The following ADAMTSL1 variants were observed in gnomAD, a reference collection of about 807,000 sequenced individuals.
The protein encoded by ADAMTSL1 is ADAMTS-like protein 1.
A neutral mutation model predicts 201.8 loss-of-function variants in ADAMTSL1; 126 were observed. That is an observed-to-expected ratio of 0.62 (90% confidence interval 0.54 to 0.72). The LOEUF (loss-of-function observed/expected upper bound fraction) is 0.72. Among genes scored for constraint, ADAMTSL1 ranks in the 30% least tolerant of loss-of-function variants. The pLI is 0.00. For synonymous variants in ADAMTSL1, 1,121 were observed against 903.4 expected (o/e 1.24, Z -4.32); for missense variants, 2,679 against 2,277.8 (o/e 1.18, Z -3.59).
intron 4 of ADAMTSL1, among the ~76,000 whole-genome samples, chr9:18,589,445 A>G (rs1253380508): frequency 2.0e-5 from 3 of 152,156 alleles, no homozygotes; most frequent in Non-Finnish European, 2.9e-5. Context: ...ATTTTATTAA[A>G]TTTGTTCACA....
Position 18,516,314 on chromosome 9 carries a change from A to G in ADAMTSL1, c.191+11358A>G, listed in dbSNP as rs140615817. On this transcript the variant is annotated intron_variant, in intron 2 of 28. Coordinates refer to ENST00000380548, the MANE Select transcript of ADAMTSL1 (RefSeq NM_001040272.6). ...ACAGAGGGTGGTCTGTCCAAATCAT[A>G]TACAATGGGGGATGGACAATTCACC... Among the ~76,000 whole-genome samples, 291 of 152,332 alleles carry G rather than the reference A, an allele frequency of 1.9e-3. 2 individuals are homozygous for G. The highest frequency in any genetic ancestry group is 4.3e-3 in the Admixed American group (66 of 15,302).
chr9:18,607,731 C>T lies in ADAMTSL1; in HGVS notation c.475-14512C>T, dbSNP rs190301453. On this transcript the variant is annotated intron_variant, in intron 4 of 28. Coordinates refer to ENST00000380548, the MANE Select transcript of ADAMTSL1 (RefSeq NM_001040272.6). ...TCCTAATGCTATCCCTCCCCCCTAC[C>T]CCCACCCCACAACAGTCCCCAGAGT... Among the ~76,000 whole-genome samples the T allele has an allele frequency of 4.2e-3, 645 of 151,972 alleles. 8 individuals are homozygous for T. The highest frequency in any genetic ancestry group is 0.015 in the African/African-American group (616 of 41,444).
At chr9:18,473,912 T>C (rs573114136), upstream of ADAMTSL1, 1 of 371,346 alleles carries the variant, frequency 2.7e-6, no homozygotes, top group East Asian at 4.7e-5. Flanking sequence ...CTCGCTCTGC[T>C]GCTCGCTCGC....
intron 9 of ADAMTSL1, among the ~76,000 whole-genome samples, chr9:18,670,742 G>T (rs2133089351): frequency 6.6e-6 from 1 of 152,306 alleles, no homozygotes; most frequent in African/African-American, 2.4e-5. Context: ...TGTCCTAAGA[G>T]ATGCAGTAAA....
chr9:18,901,755 G>A (rs990168323), intron 26 of ADAMTSL1, among the ~76,000 whole-genome samples: 1 of 152,106 alleles, frequency 6.6e-6, no homozygotes, highest in Non-Finnish European at 1.5e-5. Flanking sequence ...ACAGGGGAAA[G>A]CTATAAGATG....
chr9:18,733,065 G>C (rs900830122), intron 15 of ADAMTSL1, among the ~76,000 whole-genome samples: 1 of 152,184 alleles, frequency 6.6e-6, no homozygotes, highest in African/African-American at 2.4e-5. Flanking sequence ...AGCAGTTACT[G>C]AGAACCTGAG....
chr9:18,860,466 C>T (rs1282820099), intron 23 of ADAMTSL1, among the ~76,000 whole-genome samples: 3 of 151,766 alleles, frequency 2.0e-5, no homozygotes, highest in African/African-American at 4.8e-5. Flanking sequence ...GTGACAGAGA[C>T]CATATGGCTC....
intron 2 of ADAMTSL1, among the ~76,000 whole-genome samples, chr9:18,390,224 TA>T (rs927768019): frequency 5.1e-4 from 78 of 151,642 alleles, no homozygotes; most frequent in Middle Eastern, 6.8e-3. Context: ...TCCATAAGAT[TA>T]AAAAAAAATT....
intron 1 of ADAMTSL1, among the ~76,000 whole-genome samples, chr9:17,922,964 C>T (rs1431852058): frequency 1.3e-5 from 2 of 152,132 alleles, no homozygotes; most frequent in Admixed American, 1.3e-4. Context: ...CCTGCTGGAA[C>T]ACAGCTTCTG....
intron 1 of ADAMTSL1, among the ~76,000 whole-genome samples, chr9:18,132,437 A>G (rs752267996): frequency 2.0e-5 from 3 of 152,176 alleles, no homozygotes; most frequent in Non-Finnish European, 4.4e-5. Context: ...TACCCATTGA[A>G]CAGTGTCTTC....
Position 18,791,538 on chromosome 9 carries a change from G to C in ADAMTSL1, c.3678-3859G>C, listed in dbSNP as rs115341701. Among the ~76,000 whole-genome samples, 1,084 of 152,102 alleles carry C rather than the reference G, an allele frequency of 7.1e-3. 17 individuals are homozygous for C. Among genetic ancestry groups the C allele is most frequent in the African/African-American group, 0.025 (1,055 of 41,504 alleles). On this transcript the variant is annotated intron_variant, in intron 19 of 28. Coordinates refer to ENST00000380548, the MANE Select transcript of ADAMTSL1 (RefSeq NM_001040272.6). ...TATAGGGTGGAAAAAAAAAAGTGCT[G>C]GACCAAAAACATGAGATTCTACTTC...
intron 2 of ADAMTSL1, among the ~76,000 whole-genome samples, chr9:18,257,479 C>T (rs1831733699): frequency 6.6e-6 from 1 of 152,138 alleles, no homozygotes; most frequent in Non-Finnish European, 1.5e-5. Context: ...TCACTTCACA[C>T]TACAATAGTT....
chr9:18,775,573 A>G (rs567697890), intron 17 of ADAMTSL1, among the ~76,000 whole-genome samples, 170 bp from the exon 18 acceptor site: 21 of 152,340 alleles, frequency 1.4e-4, no homozygotes, highest in African/African-American at 4.8e-4. Flanking sequence ...CAAAATGTCT[A>G]CAAGATGGGC....
intron 2 of ADAMTSL1, among the ~76,000 whole-genome samples, chr9:18,285,806 G>T (rs906206979): frequency 1.3e-5 from 2 of 151,758 alleles, no homozygotes; most frequent in Non-Finnish European, 1.5e-5. Context: ...TTTGCTGTTT[G>T]TTTCTGTTTT....
At chr9:18,905,068 C>T (rs1203327199) in intron 26 of ADAMTSL1, among the ~76,000 whole-genome samples, 1 of 152,164 alleles carries the variant, frequency 6.6e-6, no homozygotes, top group Non-Finnish European at 1.5e-5. Flanking sequence ...AGTTAAGAGC[C>T]TTTGTTCTAA....
chr9:18,136,189 T>C (rs1749583649), intron 1 of ADAMTSL1, among the ~76,000 whole-genome samples: 1 of 152,142 alleles, frequency 6.6e-6, no homozygotes, highest in Non-Finnish European at 1.5e-5. Context: ...ATCAGAATCA[T>C]TTGGGAAGCT....
chr9:18,063,102 G>A (rs575590690), intron 1 of ADAMTSL1, among the ~76,000 whole-genome samples: 1 of 152,310 alleles, frequency 6.6e-6, no homozygotes, highest in African/African-American at 2.4e-5. Flanking sequence ...GCTGAAATGG[G>A]AGGATTGCTT....
intron 1 of ADAMTSL1, among the ~76,000 whole-genome samples, chr9:17,947,167 T>C (rs1588460614): frequency 6.6e-6 from 1 of 150,830 alleles, no homozygotes; most frequent in Admixed American, 6.6e-5. Context: ...TATATACATA[T>C]ATAGTTATAT....
chr9:18,126,518 T>C (rs919110827), intron 1 of ADAMTSL1, among the ~76,000 whole-genome samples: 2 of 152,214 alleles, frequency 1.3e-5, no homozygotes, highest in African/African-American at 2.4e-5. Flanking sequence ...TCCTTACTTA[T>C]TGTTGCATGC....
Sources: gnomAD v4.1 joint callset for allele counts (sites outside exome capture counted in the v4.1 genomes callset) on GRCh38, gnomAD v4.1.1 for gene constraint, MANE v1.5 for transcripts, NCBI Gene and HGNC (gene_info 2026-07-23, HGNC 2026-07-21) for gene names.